CCT5: variants seen among roughly 807,000 people sequenced by gnomAD.
CCT5 encodes the protein T-complex protein 1 subunit epsilon.
CCT5 carries 6 observed loss-of-function variants against 55.0 expected under a neutral mutation model. The ratio of observed to expected loss-of-function variants is 0.11; its 90% CI spans 0.06 to 0.22. The LOEUF (loss-of-function observed/expected upper bound fraction) is 0.22. Ranked by LOEUF, CCT5 falls within the 10% of genes least tolerant of loss-of-function variation. The pLI is 1.00. For missense variants in CCT5, 560 were observed against 694.6 expected, an observed-to-expected ratio of 0.81 and a Z score of 2.18; for synonymous variants, 231 against 243.7, an observed-to-expected ratio of 0.95 and a Z score of 0.49.
rs1348744113 is a variant in CCT5 at position 10,250,324 on chromosome 5, A to G, written c.-17A>G. 2.5e-6 allele frequency: 4 copies of G among 1,613,782 alleles called. No homozygotes were observed. The highest frequency in any genetic ancestry group is 3.4e-6 in the Non-Finnish European group (4 of 1,180,036). ...GGTCTCCGCCGGTTGGGGGGAAGTA[A>G]TTCCGGTTGTTGCACCATGGCGTCC... On this transcript the variant is annotated 5_prime_UTR_variant, in exon 1 of 11. Transcript: ENST00000280326.
chr5:10,256,683 T>C (rs1389622589), intron 4 of CCT5, among the ~76,000 whole-genome samples: 5 of 71,114 alleles, frequency 7.0e-5, no homozygotes, highest in African/African-American at 1.7e-4. Context: ...CGAGACCCTG[T>C]CTCAAAAAAA....
At chr5:10,259,632 A>G (rs956721800) in intron 6 of CCT5, among the ~76,000 whole-genome samples, 2 of 152,186 alleles carry the variant, frequency 1.3e-5, no homozygotes, top group Non-Finnish European at 2.9e-5. Context: ...TTCCAGGCTG[A>G]GGACAGATGG....
At position 10,255,948 on chromosome 5, in the gene CCT5, T is replaced by C; in HGVS notation, c.332-7T>C. 1 of 1,613,752 alleles carries C rather than the reference T, an allele frequency of 6.2e-7. No homozygotes were observed. Among genetic ancestry groups the C allele is most frequent in the Non-Finnish European group, 8.5e-7 (1 of 1,179,822 alleles). ...CCTGAACTGATTGTCTGCTGGCTTATTTGCAGTCCTGGCTGGTGCCTTGTT... is the reference window on the plus strand; with the variant it reads ...CCTGAACTGATTGTCTGCTGGCTTACTTGCAGTCCTGGCTGGTGCCTTGTT... On this transcript the variant is annotated splice_polypyrimidine_tract_variant and splice_region_variant and intron_variant, in intron 3 of 10. Transcript: ENST00000280326.
At position 10,264,829 on chromosome 5, in the gene CCT5, T is replaced by A; in HGVS notation, c.*46T>A. ...AGCAAGATCCACTTCTGTGATTAAG[T>A]AAATGGATGTCTCGTGATGCATCTA... is the stretch of plus-strand genomic sequence containing the variant. On this transcript the variant is annotated 3_prime_UTR_variant, in exon 11 of 11. Coordinates refer to ENST00000280326, the MANE Select transcript of CCT5 (RefSeq NM_012073.5). 1.2e-6 allele frequency: 2 copies of A among 1,608,406 alleles called. No homozygotes were observed. The highest frequency in any genetic ancestry group is 1.7e-6 in the Non-Finnish European group (2 of 1,175,118).
intron 6 of CCT5, 82 bp from the exon 7 acceptor site, chr5:10,260,710 G>T: frequency 6.7e-7 from 1 of 1,494,460 alleles, no homozygotes; most frequent in Non-Finnish European, 9.3e-7. Context: ...ACACCCAACT[G>T]TGCCTCTCCT....
intron 8 of CCT5, chr5:10,262,253 ACT>A: frequency 1.8e-6 from 1 of 542,058 alleles, no homozygotes; most frequent in South Asian, 2.0e-5. Context: ...TCAGTTTTTG[ACT>A]CTTGCTTGAC....
intron 4 of CCT5, chr5:10,257,875 C>T (rs1369366000): frequency 1.4e-5 from 8 of 564,780 alleles, no homozygotes; most frequent in East Asian, 3.0e-5. Flanking sequence ...TCAGAGTTAG[C>T]GAAAATAAAG....
At chr5:10,255,273 C>G (rs1745614938) in intron 3 of CCT5, among the ~76,000 whole-genome samples, 1 of 152,118 alleles carries the variant, frequency 6.6e-6, no homozygotes, top group African/African-American at 2.4e-5. Context: ...AACTAATTCT[C>G]AAATAGTTGA....
chr5:10,255,075 T>G (rs949301778), intron 3 of CCT5: 12 of 531,994 alleles, frequency 2.3e-5, no homozygotes, highest in African/African-American at 3.8e-5. Context: ...GATTGGACAC[T>G]GATTTTGCTT....
chr5:10,250,266 C>G (rs994604870), upstream of CCT5: 4 of 1,605,782 alleles, frequency 2.5e-6, no homozygotes, highest in Non-Finnish European at 3.4e-6. Flanking sequence ...TGGGCCCTCC[C>G]GAGAAAGGGA....
At chr5:10,261,071 T>C (rs1030656839) in intron 7 of CCT5, 160 bp downstream of exon 7, 163 of 790,832 alleles carry the variant, frequency 2.1e-4, no homozygotes, top group African/African-American at 5.1e-5. Context: ...TCTTTGTTAC[T>C]GTTTGGATAA....
intron 4 of CCT5, among the ~76,000 whole-genome samples, chr5:10,256,686 C>A (rs77720602): frequency 7.2e-4 from 103 of 142,246 alleles, no homozygotes; most frequent in Non-Finnish European, 7.9e-4. Flanking sequence ...GACCCTGTCT[C>A]AAAAAAAAAA....
At chr5:10,255,549 G>A (rs180705377) in intron 3 of CCT5, among the ~76,000 whole-genome samples, 15 of 150,322 alleles carry the variant, frequency 1.0e-4, no homozygotes, top group Admixed American at 6.7e-4. Flanking sequence ...TCATCTTTGC[G>A]ACCCTAAAAT....
chr5:10,256,686 C>CA lies in CCT5; in HGVS notation c.530+547dup, dbSNP rs10643743. Among the ~76,000 whole-genome samples the CA allele has an allele frequency of 8.9e-3, 1,273 of 142,242 alleles. 18 individuals carry two copies. The highest frequency in any genetic ancestry group is 0.023 in the African/African-American group (862 of 37,790). 93.3% of individuals were successfully genotyped at this position (142,242 alleles called of 152,430 possible). ...TGAGCAACAGAGCGAGACCCTGTCT[C>CA]AAAAAAAAAAAAAAGTCAACTAGAA... On this transcript the variant is annotated intron_variant, in intron 4 of 10. Transcript: ENST00000280326.
intron 4 of CCT5, among the ~76,000 whole-genome samples, chr5:10,257,394 T>C (rs1187719977): frequency 6.6e-6 from 1 of 152,250 alleles, no homozygotes; most frequent in African/African-American, 2.4e-5. Flanking sequence ...GTTTTCTTGT[T>C]GCTTTATAAG....
At chr5:10,255,716 G>A (rs1381060196) in intron 3 of CCT5, among the ~76,000 whole-genome samples, 5 of 152,070 alleles carry the variant, frequency 3.3e-5, no homozygotes, top group Non-Finnish European at 7.4e-5. Flanking sequence ...CTTTAGTTAC[G>A]TTCTTCACAT....
In CCT5 at chr5:10,263,262, G is replaced by A; in HGVS notation, c.1446G>A (p.Val482=). The stretch of plus-strand genomic sequence containing the variant: ...TGACCGAAGTCCGAGCCAGACAGGT[G>A]AAGGAGATGAACCCTGCTCTTGGCA... ...QTMTEVRARQ[V]KEMNPALGID... Residue 482 remains valine, a synonymous_variant, in exon 10 of 11, where the codon GTG becomes GTA. Coordinates refer to ENST00000280326, the MANE Select transcript of CCT5 (RefSeq NM_012073.5). The A allele has an allele frequency of 6.2e-6, 10 of 1,614,202 alleles. No homozygotes were observed. Among genetic ancestry groups the A allele is most frequent in the Non-Finnish European group, 8.5e-6 (10 of 1,180,046 alleles).
At chr5:10,253,472 A>G (rs193119920) in intron 1 of CCT5, among the ~76,000 whole-genome samples, 56 of 152,308 alleles carry the variant, frequency 3.7e-4, no homozygotes, top group Middle Eastern at 3.4e-3. Context: ...GGCTGATCTC[A>G]AACTCCTGGC....
chr5:10,264,404 T>C (rs1008396730), intron 10 of CCT5, among the ~76,000 whole-genome samples: 1 of 152,236 alleles, frequency 6.6e-6, no homozygotes, highest in African/African-American at 2.4e-5. Flanking sequence ...AATGTCACCC[T>C]GTAGCTAGTC....
Sources: gnomAD v4.1 joint callset for allele counts (sites outside exome capture counted in the v4.1 genomes callset) on GRCh38, gnomAD v4.1.1 for gene constraint, MANE v1.5 for transcripts, NCBI Gene and HGNC (gene_info 2026-07-23, HGNC 2026-07-21) for gene names.